Variants in TRMT5 observed in about 807,000 individuals in gnomAD.
TRMT5 encodes the protein tRNA methyltransferase 5, also known as tRNA (guanine(37)-N(1))-methyltransferase.
A neutral mutation model predicts 42.2 loss-of-function variants in TRMT5; 31 were observed. The ratio of observed to expected loss-of-function variants is 0.73; its 90% confidence interval spans 0.55 to 0.99. The LOEUF (loss-of-function observed/expected upper bound fraction) is 0.99. Among genes scored for constraint, TRMT5 ranks in the 50% least tolerant of loss-of-function variants. The pLI, the probability that TRMT5 is intolerant of heterozygous loss-of-function variation, is 0.00. For missense variants in TRMT5, 568 were observed against 595.0 expected (o/e 0.95, Z 0.47); for synonymous variants, 198 against 209.6 (o/e 0.94, Z 0.48).
rs1315063239 is a variant in TRMT5, at chr14:60,975,175, A to G, written c.1464T>C (p.Pro488=). The change falls in exon 5 of 5, where the codon CCT becomes CCC. Residue 488 remains proline, a synonymous_variant. Transcript: ENST00000261249. ...TRNPENHEDP[P]LKRQRTAEAF... is the part of the protein sequence containing the mutation. ...CTTCAGCCGTCCTCTGCCTTTTAAG[A>G]GGTGGATCTTCATGATTCTCTGTAA... The G allele has an allele frequency of 4.4e-6, 7 of 1,607,592 alleles. No individual in the cohort carries two copies. The highest frequency in any genetic ancestry group is 5.9e-6 in the Non-Finnish European group (7 of 1,177,992).
chr14:60,977,685 A>C (rs763135074), intron 2 of TRMT5, 47 bp from the exon 3 acceptor site: 2 of 1,522,612 alleles, frequency 1.3e-6, no homozygotes, highest in East Asian at 4.6e-5. Flanking sequence ...TGGTTGCAAA[A>C]TAAAAGCTAA....
upstream of TRMT5, chr14:60,981,449 A>G: frequency 6.5e-7 from 1 of 1,546,768 alleles, no homozygotes; most frequent in South Asian, 1.2e-5. Context: ...CTGCCAAATA[A>G]GACCCAGAAA....
Position 60,977,615 on chromosome 14 carries a change from G to A in TRMT5, c.691C>T (p.Pro231Ser), listed in dbSNP as rs570203099. 6.2e-7 allele frequency: 1 copy of A among 1,605,750 alleles called. No homozygotes were observed. The highest frequency in any genetic ancestry group is 8.5e-7 in the Non-Finnish European group (1 of 1,176,040). The stretch of plus-strand genomic sequence containing the variant: ...TTATTTACTGCTGAGGTGATTCCTG[G>A]ATTTTTGTCAATCATAACCTGGCCT... ...LIGQVMIDKN[P>S]GITSAVNKIN... The change falls in exon 3 of 5, where the codon CCA becomes TCA. Residue 231 changes from proline (P) to serine (S), a missense_variant. Physicochemically the swap from Pro to Ser is moderately conservative, Grantham distance 74. Transcript: ENST00000261249.
chr14:60,972,990 A>G lies in TRMT5; in HGVS notation c.*2119T>C, dbSNP rs1168633648. On this transcript the variant is annotated 3_prime_UTR_variant, in exon 5 of 5. Coordinates refer to ENST00000261249, the MANE Select transcript of TRMT5 (RefSeq NM_020810.3). ...AATCACCTCAATTGCAGTTAAATAG[A>G]TTTTGAAACAGGGAAATTTCCTTTG... is the stretch of plus-strand genomic sequence containing the variant. 2 of 152,232 alleles carry G rather than the reference A, an allele frequency of 1.3e-5. No individual in the cohort carries two copies. The highest frequency in any genetic ancestry group is 2.9e-5 in the Non-Finnish European group (2 of 68,062). 9.4% of individuals were successfully genotyped at this position (152,232 alleles called of 1,614,324 possible). A position where few individuals can be genotyped will look rare whatever the true frequency, so the allele number is the denominator to read the frequency against.
Position 60,972,258 on chromosome 14 carries a change from C to G in TRMT5, c.*2851G>C. ...AATGCACACACTTCACTTGGGATCT[C>G]CAGCACCTTCCCGCTCCTTGCCAGC... On this transcript the variant is annotated 3_prime_UTR_variant, in exon 5 of 5. Coordinates refer to ENST00000261249, the MANE Select transcript of TRMT5 (RefSeq NM_020810.3). The G allele has an allele frequency of 1.9e-6, 1 of 530,664 alleles. No individual in the cohort carries two copies. The highest frequency in any genetic ancestry group is 1.4e-5 in the South Asian group (1 of 72,392). The allele number at this position is 530,664 out of a possible 1,614,324, so 32.9% of individuals were successfully genotyped here.
chr14:60,979,807 T>A lies in TRMT5; in HGVS notation c.91A>T (p.Ile31Phe), dbSNP rs2036913351. 1 of 1,613,320 alleles carries A rather than the reference T, an allele frequency of 6.2e-7. No individual in the cohort carries two copies. The highest frequency in any genetic ancestry group is 8.5e-7 in the Non-Finnish European group (1 of 1,179,896). ...GTCAGGGATGTCCAAGCTACTGGAA[T>A]CAACGATTTTGATTCAGTTATGCTA... is the stretch of plus-strand genomic sequence containing the variant. ...SHSITESKSL[I>F]PVAWTSLTQM... is the part of the protein sequence containing the mutation. Residue 31 changes from isoleucine to phenylalanine, a missense_variant, in exon 2 of 5, where the codon ATT becomes TTT. Coordinates refer to ENST00000261249, the MANE Select transcript of TRMT5 (RefSeq NM_020810.3).
chr14:60,981,526 G>C (rs1204120662), upstream of TRMT5: 1 of 1,532,584 alleles, frequency 6.5e-7, no homozygotes, highest in Non-Finnish European at 8.7e-7. Flanking sequence ...TCTGAAGGCA[G>C]CCGCCGAGAT....
upstream of TRMT5, chr14:60,981,141 C>A (rs1460057260): frequency 7.8e-6 from 12 of 1,548,044 alleles, no homozygotes; most frequent in Non-Finnish European, 9.6e-6. Flanking sequence ...ACTCGCTCCT[C>A]TCCTTCCAGG....
chr14:60,981,152 C>T, upstream of TRMT5: 1 of 1,541,588 alleles, frequency 6.5e-7, no homozygotes, highest in Admixed American at 2.0e-5. Context: ...TCCTTCCAGG[C>T]CCTGGTGAAG....
intron 3 of TRMT5, among the ~76,000 whole-genome samples, chr14:60,976,392 A>G (rs1288139993): frequency 6.6e-6 from 1 of 152,216 alleles, no homozygotes; most frequent in Non-Finnish European, 1.5e-5. Flanking sequence ...TCTCAATCCT[A>G]TAGGGCCATG....
Position 60,972,475 on chromosome 14 carries a change from C to T in TRMT5, c.*2634G>A, listed in dbSNP as rs2036789579. The T allele has an allele frequency of 8.2e-6, 4 of 488,118 alleles. No homozygotes were observed. Among genetic ancestry groups the T allele is most frequent in the Non-Finnish European group, 1.2e-5 (3 of 245,260 alleles). 30.2% of individuals were successfully genotyped at this position (488,118 alleles called of 1,614,324 possible). On this transcript the variant is annotated 3_prime_UTR_variant, in exon 5 of 5. Coordinates refer to ENST00000261249, the MANE Select transcript of TRMT5 (RefSeq NM_020810.3). ...GTCTTTCTCTTGGGCATGGCGGCGG[C>T]GGCGGCGGCGGGATGTGGGCACCGG...
At position 60,973,561 on chromosome 14, in the gene TRMT5, GGA is replaced by G. The variant is rs1317369061; in HGVS notation, c.*1546_*1547del. On this transcript the variant is annotated 3_prime_UTR_variant, in exon 5 of 5. Coordinates refer to ENST00000261249, the MANE Select transcript of TRMT5 (RefSeq NM_020810.3). ...CTTCACACATTGGGAAGCCGAGATG[GGA>G]AGATCTCAAGCCTAGGAGTTCAAGG... The G allele has an allele frequency of 2.0e-5, 3 of 152,202 alleles. No individual in the cohort carries two copies. The highest frequency in any genetic ancestry group is 4.4e-5 in the Non-Finnish European group (3 of 68,072). 9.4% of individuals were successfully genotyped at this position (152,202 alleles called of 1,614,324 possible). A position where few individuals can be genotyped will look rare whatever the true frequency, so the allele number is the denominator to read the frequency against.
upstream of TRMT5, chr14:60,981,445 A>G (rs767958697): frequency 5.2e-6 from 8 of 1,547,778 alleles, no homozygotes; most frequent in Non-Finnish European, 7.0e-6. Flanking sequence ...GTGCCTGCCA[A>G]ATAAGACCCA....
intron 2 of TRMT5, 24 bp downstream of exon 2, chr14:60,979,207 T>G: frequency 6.5e-7 from 1 of 1,528,028 alleles, no homozygotes; most frequent in Non-Finnish European, 8.8e-7. Flanking sequence ...TTCAAATACA[T>G]GAATATTACT....
At position 60,972,195 on chromosome 14, in the gene TRMT5, T is replaced by C. The variant is rs1378235155; in HGVS notation, c.*2914A>G. ...TTTTTATAAAACTTGATAAAGAATA[T>C]TTCAAACTGTACAGTCACCAGAAGT... On this transcript the variant is annotated 3_prime_UTR_variant, in exon 5 of 5. Transcript: ENST00000261249. The C allele has an allele frequency of 4.2e-6, 2 of 472,248 alleles. No individual in the cohort carries two copies. The highest frequency in any genetic ancestry group is 2.0e-5 in the African/African-American group (1 of 49,228). 29.3% of individuals were successfully genotyped at this position (472,248 alleles called of 1,614,324 possible).
At chr14:60,981,336 A>G (rs1594933377), upstream of TRMT5, 1 of 1,610,562 alleles carries the variant, frequency 6.2e-7, no homozygotes, top group Admixed American at 1.7e-5. Flanking sequence ...TCTGTCCAGC[A>G]GCCTGAAGAA....
rs879165841 is a variant in TRMT5, at chr14:60,972,247, A to G, written c.*2862T>C. 1.9e-6 allele frequency: 1 copy of G among 528,064 alleles called. No individual in the cohort carries two copies. Among genetic ancestry groups the G allele is most frequent in the South Asian group, 1.4e-5 (1 of 72,324 alleles). The allele number at this position is 528,064 out of a possible 1,614,324, so 32.7% of individuals were successfully genotyped here. ...CAGTTATAAAAAATGCACACACTTCACTTGGGATCTCCAGCACCTTCCCGC... is the reference window on the plus strand; with the variant it reads ...CAGTTATAAAAAATGCACACACTTCGCTTGGGATCTCCAGCACCTTCCCGC... On this transcript the variant is annotated 3_prime_UTR_variant, in exon 5 of 5. Coordinates refer to ENST00000261249, the MANE Select transcript of TRMT5 (RefSeq NM_020810.3).
rs2036816643 is a variant in TRMT5 at position 60,974,395 on chromosome 14, G to GC, written c.*713dup. The GC allele has an allele frequency of 6.6e-6, 1 of 152,294 alleles. No individual in the cohort carries two copies. The highest frequency in any genetic ancestry group is 2.4e-5 in the African/African-American group (1 of 41,434). The allele number at this position is 152,294 out of a possible 1,614,324, so 9.4% of individuals were successfully genotyped here. A position where few individuals can be genotyped will look rare whatever the true frequency, so the allele number is the denominator to read the frequency against. ...CAGAGAAGATCAGAATGGTCCCTGC[G>GC]CAAGGATGACATGCAAATTCGTGAA... On this transcript the variant is annotated 3_prime_UTR_variant, in exon 5 of 5. Coordinates refer to ENST00000261249, the MANE Select transcript of TRMT5 (RefSeq NM_020810.3).
rs1485393335 is a variant in TRMT5 at position 60,974,929 on chromosome 14, CAG to C, written c.*178_*179del. ...TAATTGTATGTTATAATTTAGATAA[CAG>C]GGAATGTATTTGGTAGCCTTAGTTC... On this transcript the variant is annotated 3_prime_UTR_variant, in exon 5 of 5. Transcript: ENST00000261249. The C allele has an allele frequency of 1.6e-4, 62 of 381,896 alleles. No individual in the cohort carries two copies. Among genetic ancestry groups the C allele is most frequent in the Middle Eastern group, 7.1e-4 (1 of 1,414 alleles). The allele number at this position is 381,896 out of a possible 1,614,324, so 23.7% of individuals were successfully genotyped here. A position where few individuals can be genotyped will look rare whatever the true frequency, so the allele number is the denominator to read the frequency against.
Sources: gnomAD v4.1 joint callset for allele counts (sites outside exome capture counted in the v4.1 genomes callset) on GRCh38, gnomAD v4.1.1 for gene constraint, MANE v1.5 for transcripts, NCBI Gene and HGNC (gene_info 2026-07-23, HGNC 2026-07-21) for gene names.